PCDHA1: variants seen among roughly 807,000 people sequenced by gnomAD.
PCDHA1 encodes the protein protocadherin alpha-1.
Under a neutral mutation model 61.3 loss-of-function variants are expected in PCDHA1, and 42 were observed. The observed-to-expected ratio is 0.69, with a 90% CI of 0.54 to 0.89. PCDHA1 has a LOEUF of 0.89. Ranked by LOEUF, PCDHA1 falls within the 40% of genes least tolerant of loss-of-function variation. The pLI, the probability that PCDHA1 is intolerant of heterozygous loss-of-function variation, is 0.00. For synonymous variants in PCDHA1, 610 were observed against 553.8 expected (o/e 1.10, Z -1.43); for missense variants, 1,256 against 1,235.3 (o/e 1.02, Z -0.25).
chr5:140,934,337 A>G (rs1404340648), intron 1 of PCDHA1, among the ~76,000 whole-genome samples: 1 of 152,128 alleles, frequency 6.6e-6, no homozygotes, highest in African/African-American at 2.4e-5. Context: ...TGTAATAACC[A>G]CCAGTACAGT....
At chr5:140,822,048 G>C (rs2150113216) in intron 1 of PCDHA1, 20 of 1,614,228 alleles carry the variant, frequency 1.2e-5, no homozygotes, top group South Asian at 4.4e-5. Flanking sequence ...GGATCGACCG[G>C]GAGGAGCTGT....
rs782023174 is a variant in PCDHA1 at position 140,870,968 on chromosome 5, G to A, written c.2394+82284G>A. 39 of 1,613,492 alleles carry A rather than the reference G, an allele frequency of 2.4e-5. No homozygotes were observed. Among genetic ancestry groups the A allele is most frequent in the Admixed American group, 2.2e-4 (13 of 59,998 alleles). ...GCGGGCGGCTCGCGCATCCCGTTCC[G>A]CGTGGGGCTGTACACGGGCGAGATA... On this transcript the variant is annotated intron_variant, in intron 1 of 3. Transcript: ENST00000504120.
intron 1 of PCDHA1, chr5:140,807,058 G>A: frequency 9.1e-7 from 1 of 1,098,782 alleles, no homozygotes; most frequent in Non-Finnish European, 1.3e-6. Flanking sequence ...TATTCTTACT[G>A]GAAGGAACCA....
chr5:140,809,279 G>A, intron 1 of PCDHA1: 1 of 1,614,106 alleles, frequency 6.2e-7, no homozygotes, highest in South Asian at 1.1e-5. Flanking sequence ...GGATGTCAAC[G>A]TATACCTGAT....
At chr5:140,883,417 A>C in intron 1 of PCDHA1, 3 of 1,614,146 alleles carry the variant, frequency 1.9e-6, no homozygotes, top group Non-Finnish European at 2.5e-6. Flanking sequence ...GCTCAAATGG[A>C]CAGGTCACCT....
chr5:140,983,801 T>G (rs1386165689), intron 3 of PCDHA1, among the ~76,000 whole-genome samples: 1 of 152,214 alleles, frequency 6.6e-6, no homozygotes, highest in Non-Finnish European at 1.5e-5. Context: ...AATGTGTGTG[T>G]AAAAGGTTTT....
At chr5:140,991,205 A>C (rs1403144779) in intron 3 of PCDHA1, among the ~76,000 whole-genome samples, 3 of 152,226 alleles carry the variant, frequency 2.0e-5, no homozygotes, top group Admixed American at 2.0e-4. Context: ...TGCTCAATAA[A>C]TTTTGTTAAA....
intron 3 of PCDHA1, among the ~76,000 whole-genome samples, chr5:141,009,094 C>T (rs1350235475): frequency 6.6e-6 from 1 of 152,176 alleles, no homozygotes; most frequent in Non-Finnish European, 1.5e-5. Flanking sequence ...AAGAACCAAA[C>T]ATATGTTACT....
intron 1 of PCDHA1, among the ~76,000 whole-genome samples, chr5:140,840,993 A>C (rs1209699750): frequency 6.6e-6 from 1 of 152,060 alleles, no homozygotes; most frequent in Admixed American, 6.6e-5. Flanking sequence ...AGCTGAAACT[A>C]ATGTAAGGAG....
intron 1 of PCDHA1, among the ~76,000 whole-genome samples, chr5:140,944,240 T>C (rs374307364): frequency 2.1e-4 from 32 of 152,316 alleles, no homozygotes; most frequent in African/African-American, 7.5e-4. Flanking sequence ...CAGGCTGGAG[T>C]GCAGTGATGT....
chr5:140,966,894 A>C, intron 1 of PCDHA1: 1 of 1,596,438 alleles, frequency 6.3e-7, no homozygotes, highest in African/African-American at 1.3e-5. Flanking sequence ...GCGGCCTCCC[A>C]GCTGCGATAC....
At chr5:140,927,610 A>C in intron 1 of PCDHA1, 2 of 1,614,162 alleles carry the variant, frequency 1.2e-6, no homozygotes, top group Non-Finnish European at 1.7e-6. Flanking sequence ...CGTATACCGC[A>C]CCAAGGTTCC....
chr5:140,796,996 G>T (rs975848119), intron 1 of PCDHA1: 2 of 1,613,626 alleles, frequency 1.2e-6, no homozygotes, highest in Admixed American at 1.7e-5. Context: ...GGCACCCAAG[G>T]CCTCGTCGCG....
intron 1 of PCDHA1, among the ~76,000 whole-genome samples, chr5:140,946,755 A>G (rs1554217843): frequency 3.3e-5 from 5 of 151,400 alleles, no homozygotes. Context: ...ATACTGCATG[A>G]TCTCATTCAT....
intron 1 of PCDHA1, chr5:140,871,311 C>A (rs782501180): frequency 6.2e-7 from 1 of 1,613,922 alleles, no homozygotes; most frequent in African/African-American, 1.3e-5. Flanking sequence ...CGGGGAAGCC[C>A]ACGCTGGTGT....
intron 1 of PCDHA1, chr5:140,862,204 A>C: frequency 5.7e-6 from 1 of 176,474 alleles, no homozygotes; most frequent in Non-Finnish European, 1.2e-5. Flanking sequence ...ATGTTTGATC[A>C]CTGCACAGAC....
chr5:140,920,841 TAA>T (rs781921146), intron 1 of PCDHA1, among the ~76,000 whole-genome samples: 15 of 109,130 alleles, frequency 1.4e-4, no homozygotes, highest in Admixed American at 1.9e-4. Flanking sequence ...AGACCAAATC[TAA>T]AAAAAAAAAA....
Position 140,880,781 on chromosome 5 carries a change from G to C in PCDHA1, c.2394+92097G>C, listed in dbSNP as rs575201091. Reference sequence around the variant, plus strand: ...GTGTTGGAGGCTAAAAAGAATGTTAGAGGAGTAATATAAATAGGTGAATGA... The same window carrying C: ...GTGTTGGAGGCTAAAAAGAATGTTACAGGAGTAATATAAATAGGTGAATGA... On this transcript the variant is annotated intron_variant, in intron 1 of 3. Transcript: ENST00000504120. Among the ~76,000 whole-genome samples the C allele has an allele frequency of 5.9e-5, 9 of 152,346 alleles. No homozygotes were observed. In the East Asian group the frequency reaches 1.3e-3, roughly 23 times the overall value.
intron 1 of PCDHA1, among the ~76,000 whole-genome samples, chr5:140,791,584 A>ATT (rs57510246): frequency 5.1e-4 from 77 of 151,814 alleles, no homozygotes; most frequent in East Asian, 1.5e-3. Flanking sequence ...AGAGGGGGGC[A>ATT]TTTTTTTTAC....
Sources: gnomAD v4.1 joint callset for allele counts (sites outside exome capture counted in the v4.1 genomes callset) on GRCh38, gnomAD v4.1.1 for gene constraint, MANE v1.5 for transcripts, NCBI Gene and HGNC (gene_info 2026-07-23, HGNC 2026-07-21) for gene names.